DNAH12: variants seen among roughly 807,000 people sequenced by gnomAD.
DNAH12 encodes the protein axonemal beta dynein heavy chain 12.
Under a neutral mutation model 371.5 loss-of-function variants are expected in DNAH12, and 285 were observed. That is an observed-to-expected ratio of 0.77 (90% CI 0.70 to 0.85). DNAH12 has a LOEUF of 0.85. Among genes scored for constraint, DNAH12 ranks in the 40% least tolerant of loss-of-function variants. DNAH12 has a pLI of 0.00. For synonymous variants in DNAH12, 1,200 were observed against 1,213.0 expected, an observed-to-expected ratio of 0.99 and a Z score of 0.22; for missense variants, 3,611 against 3,689.4, an observed-to-expected ratio of 0.98 and a Z score of 0.55.
At chr3:57,431,584 A>C (rs2064957022) in intron 32 of DNAH12, among the ~76,000 whole-genome samples, 1 of 152,096 alleles carries the variant, frequency 6.6e-6, no homozygotes, top group Non-Finnish European at 1.5e-5. Flanking sequence ...TTCTTTCATT[A>C]GGCAGCTTTT....
chr3:57,401,095 TGTTA>T (rs2063846938), intron 43 of DNAH12, among the ~76,000 whole-genome samples: 1 of 152,148 alleles, frequency 6.6e-6, no homozygotes, highest in Non-Finnish European at 1.5e-5. Context: ...AAAATTAAAC[TGTTA>T]ATTTAATTGT....
intron 36 of DNAH12, among the ~76,000 whole-genome samples, chr3:57,420,304 G>C (rs180955896): frequency 2.0e-4 from 31 of 152,132 alleles, no homozygotes; most frequent in Non-Finnish European, 3.5e-4. Context: ...AGCCCCCTAA[G>C]ACCCGATTCC....
rs1559694335 is a variant in DNAH12, at chr3:57,470,477, T to TA, written c.2070dup (p.Asn691Ter). On this transcript the variant is annotated frameshift_variant, in exon 16 of 74. Coordinates refer to ENST00000495027, the MANE Select transcript of DNAH12 (RefSeq NM_001366028.2). LOFTEE classifies it high-confidence loss of function. Reference sequence around the variant, plus strand: ...GATCGCTGCCACTTCAAAACAAAATTAAAAAACTTCTGATAGGGCTCAATG... The same window carrying TA: ...GATCGCTGCCACTTCAAAACAAAATTAAAAAAACTTCTGATAGGGCTCAATG... The TA allele has an allele frequency of 6.5e-7, 1 of 1,534,048 alleles. No homozygotes were observed. Among genetic ancestry groups the TA allele is most frequent in the Non-Finnish European group, 8.8e-7 (1 of 1,141,422 alleles).
intron 2 of DNAH12, among the ~76,000 whole-genome samples, chr3:57,536,860 T>G (rs181092403): frequency 7.9e-5 from 12 of 152,308 alleles, no homozygotes; most frequent in African/African-American, 2.6e-4. Flanking sequence ...TAAAAAGAGC[T>G]GGGAAGAACA....
At chr3:57,303,205 G>C (rs898215197) in intron 69 of DNAH12, among the ~76,000 whole-genome samples, 2 of 151,472 alleles carry the variant, frequency 1.3e-5, no homozygotes, top group African/African-American at 4.8e-5. Flanking sequence ...CAGTCGTGGT[G>C]GTGGGCGCCT....
chr3:57,495,325 G>A (rs979260502), intron 11 of DNAH12, among the ~76,000 whole-genome samples: 8 of 151,800 alleles, frequency 5.3e-5, no homozygotes, highest in Admixed American at 2.0e-4. Context: ...TTGGGAGGCC[G>A]AGGTGGGCAG....
the DNAH12 span, among the ~76,000 whole-genome samples, chr3:57,555,436 G>A: frequency 6.6e-6 from 1 of 152,034 alleles, no homozygotes; most frequent in Non-Finnish European, 1.5e-5. Context: ...TACTTGAGAG[G>A]GTTAGGCGGG....
At chr3:57,465,007 A>G (rs2066157243) in intron 17 of DNAH12, among the ~76,000 whole-genome samples, 1 of 152,198 alleles carries the variant, frequency 6.6e-6, no homozygotes, top group African/African-American at 2.4e-5. Flanking sequence ...GCTTCAGCCA[A>G]TGTAATATGG....
chr3:57,421,506 TTTA>T lies in DNAH12; in HGVS notation c.5562+9_5562+11del, dbSNP rs746159809. ...TGTTTTATCTTACCATAACAAGCTT[TTTA>T]TGTCATACCTCATACATGTAGTCAT... On this transcript the variant is annotated intron_variant, in intron 36 of 73. Coordinates refer to ENST00000495027, the MANE Select transcript of DNAH12 (RefSeq NM_001366028.2). 12 of 1,551,148 alleles carry T rather than the reference TTTA, an allele frequency of 7.7e-6. No individual in the cohort carries two copies. The African/African-American group carries it at 1.6e-4, about 21-fold the overall frequency.
intron 11 of DNAH12, 150 bp from the exon 12 acceptor site, chr3:57,489,837 TA>T (rs2067057275): frequency 2.7e-6 from 2 of 736,808 alleles, no homozygotes; most frequent in Admixed American, 3.9e-5. Flanking sequence ...GTTGCATACA[TA>T]TTTTTTTCAC....
intron 60 of DNAH12, among the ~76,000 whole-genome samples, chr3:57,339,180 A>G (rs1314564451): frequency 6.6e-6 from 1 of 152,162 alleles, no homozygotes; most frequent in African/African-American, 2.4e-5. Flanking sequence ...TGAAGGCAGC[A>G]TGCTCGTTAA....
intron 66 of DNAH12, among the ~76,000 whole-genome samples, chr3:57,313,065 C>T (rs1281907017): frequency 2.6e-5 from 4 of 152,144 alleles, no homozygotes; most frequent in Admixed American, 6.5e-5. Context: ...TTCAAAAAGG[C>T]CCCTCAGAAC....
rs1491216827 is a variant in DNAH12 at position 57,302,530 on chromosome 3, T to TTTATATATATAC, written c.11190-592_11190-591insGTATATATATAA. 1.3e-3 allele frequency among the ~76,000 whole-genome samples: 22 copies of TTTATATATATAC among 17,526 alleles called. 2 individuals carry two copies. The East Asian group carries it at 0.13, about 107-fold the overall frequency. 11.5% of individuals were successfully genotyped at this position (17,526 alleles called of 152,430 possible). Reference sequence around the variant, plus strand: ...GCTGAATTAACTAAGGCATCAGGTGTATATATATATATATATATATATATA... The same window carrying TTTATATATATAC: ...GCTGAATTAACTAAGGCATCAGGTGTTTATATATATACATATATATATATATATATATATATA... On this transcript the variant is annotated intron_variant, in intron 69 of 73. Transcript: ENST00000495027.
chr3:57,429,656 G>A (rs1337648068), intron 33 of DNAH12, 35 bp downstream of exon 33: 7 of 1,498,212 alleles, frequency 4.7e-6, no homozygotes, highest in South Asian at 1.3e-5. Flanking sequence ...ATGAAGAAAT[G>A]AACAAACCAC....
At chr3:57,450,997 T>C (rs2153372974) in intron 25 of DNAH12, among the ~76,000 whole-genome samples, 1 of 152,380 alleles carries the variant, frequency 6.6e-6, no homozygotes, top group East Asian at 1.9e-4. Context: ...CAGACCCTGC[T>C]GCTTTGAAGT....
At chr3:57,324,607 G>C (rs985381264) in intron 62 of DNAH12, among the ~76,000 whole-genome samples, 1 of 152,086 alleles carries the variant, frequency 6.6e-6, no homozygotes, top group Non-Finnish European at 1.5e-5. Flanking sequence ...TGGCCGAATA[G>C]GAACAGCTCC....
At chr3:57,457,002 C>T (rs909761810) in intron 22 of DNAH12, among the ~76,000 whole-genome samples, 3 of 152,046 alleles carry the variant, frequency 2.0e-5, no homozygotes, top group Non-Finnish European at 2.9e-5. Context: ...CATCTTTTTT[C>T]CTTTATTTTT....
chr3:57,550,880 A>T, the DNAH12 span, among the ~76,000 whole-genome samples: 2 of 136,816 alleles, frequency 1.5e-5, no homozygotes, highest in South Asian at 4.6e-4. Context: ...GCTAGAAACA[A>T]TTTTTTTTTT....
chr3:57,540,262 G>A (rs1009243540), intron 2 of DNAH12, among the ~76,000 whole-genome samples: 2 of 151,498 alleles, frequency 1.3e-5, no homozygotes, highest in African/African-American at 2.4e-5. Flanking sequence ...TGTTGGTCAG[G>A]TTGGCCTCGT....
Sources: gnomAD v4.1 joint callset for allele counts (sites outside exome capture counted in the v4.1 genomes callset) on GRCh38, gnomAD v4.1.1 for gene constraint, MANE v1.5 for transcripts, NCBI Gene and HGNC (gene_info 2026-07-23, HGNC 2026-07-21) for gene names.